The following TM9SF4 variants were observed in gnomAD, a reference collection of about 807,000 sequenced individuals.
TM9SF4 encodes the protein transmembrane 9 superfamily member 4, also known as dinucleotide oxidase disulfide thiol exchanger 3 superfamily member 4.
A neutral mutation model predicts 90.4 loss-of-function variants in TM9SF4; 26 were observed. The observed-to-expected ratio is 0.29, with a 90% CI of 0.21 to 0.40. The LOEUF is 0.40. Among genes scored for constraint, TM9SF4 ranks in the 10% least tolerant of loss-of-function variants. The pLI is 1.00. For synonymous variants in TM9SF4, 293 were observed against 315.4 expected, an observed-to-expected ratio of 0.93 and a Z score of 0.75; for missense variants, 549 against 834.8, an observed-to-expected ratio of 0.66 and a Z score of 4.22.
intron 1 of TM9SF4, among the ~76,000 whole-genome samples, chr20:32,113,868 T>A (rs1488968315): frequency 6.6e-6 from 1 of 152,230 alleles, no homozygotes; most frequent in Non-Finnish European, 1.5e-5. Flanking sequence ...TCTGTCCCTA[T>A]AGATTTGCCT....
chr20:32,153,372 C>T (rs1001753870), intron 12 of TM9SF4, among the ~76,000 whole-genome samples: 2 of 152,172 alleles, frequency 1.3e-5, no homozygotes, highest in African/African-American at 4.8e-5. Context: ...CATCAGGTTC[C>T]GGAGGGCCTT....
In TM9SF4 at chr20:32,159,909, T is replaced by A. The variant is rs111492969; in HGVS notation, c.1570-83T>A. The A allele has an allele frequency of 6.9e-6, 11 of 1,585,610 alleles. No homozygotes were observed. The African/African-American group carries it at 9.4e-5, about 13-fold the overall frequency. On this transcript the variant is annotated intron_variant, in intron 15 of 17. Transcript: ENST00000398022. The stretch of plus-strand genomic sequence containing the variant: ...GATGGTGTCATGATGATGTGTCCAC[T>A]CCTGCCCTTGTGACAGGTTGGTGTG...
chr20:32,143,835 G>A (rs1298474186), intron 6 of TM9SF4, among the ~76,000 whole-genome samples: 1 of 152,062 alleles, frequency 6.6e-6, no homozygotes, highest in African/African-American at 2.4e-5. Flanking sequence ...TCTCCCCTGG[G>A]AGCTTCCCGA....
chr20:32,133,928 T>C (rs1354511282), intron 2 of TM9SF4, among the ~76,000 whole-genome samples: 1 of 151,404 alleles, frequency 6.6e-6, no homozygotes, highest in East Asian at 1.9e-4. Context: ...TGCCTCAGCC[T>C]CCCAAGTAGC....
intron 1 of TM9SF4, among the ~76,000 whole-genome samples, chr20:32,115,240 T>C (rs915948320): frequency 6.6e-6 from 1 of 152,132 alleles, no homozygotes; most frequent in Non-Finnish European, 1.5e-5. Context: ...ACAGAGGAGG[T>C]TGGGATCACA....
At chr20:32,122,757 C>T (rs1222006421) in intron 1 of TM9SF4, among the ~76,000 whole-genome samples, 2 of 152,138 alleles carry the variant, frequency 1.3e-5, no homozygotes, top group Non-Finnish European at 2.9e-5. Flanking sequence ...CCTCACTTCC[C>T]AGACGGGGTG....
intron 6 of TM9SF4, among the ~76,000 whole-genome samples, chr20:32,143,821 C>T (rs1383667870): frequency 6.6e-6 from 1 of 152,060 alleles, no homozygotes; most frequent in Non-Finnish European, 1.5e-5. Context: ...AGCTCCATAG[C>T]ACATCTCCCC....
rs774710435 is a variant in TM9SF4 at position 32,150,614 on chromosome 20, C to T, written c.1088-8C>T. ...TTCTCTGCCCTTCCTCCCTCCCTCCCTCCACAGTTGTAGCCATGCTTGGGA... is the reference window on the plus strand; with the variant it reads ...TTCTCTGCCCTTCCTCCCTCCCTCCTTCCACAGTTGTAGCCATGCTTGGGA... On this transcript the variant is annotated splice_polypyrimidine_tract_variant and splice_region_variant and intron_variant, in intron 10 of 17. Transcript: ENST00000398022. The T allele has an allele frequency of 2.5e-6, 4 of 1,614,094 alleles. No homozygotes were observed. Among genetic ancestry groups the T allele is most frequent in the Non-Finnish European group, 3.4e-6 (4 of 1,180,048 alleles).
intron 2 of TM9SF4, among the ~76,000 whole-genome samples, chr20:32,134,008 C>A (rs192924345): frequency 6.0e-5 from 9 of 148,958 alleles, no homozygotes; most frequent in Non-Finnish European, 1.0e-4. Context: ...GAGATGAGGT[C>A]TCACTATGTT....
In TM9SF4 at chr20:32,160,008, A is replaced by AACT. The variant is rs751478575; in HGVS notation, c.1586_1587insACT (p.Gln529_Phe530insLeu). The AACT allele has an allele frequency of 6.2e-7, 1 of 1,614,236 alleles. No homozygotes were observed. Among genetic ancestry groups the AACT allele is most frequent in the Non-Finnish European group, 8.5e-7 (1 of 1,180,036 alleles). On this transcript the variant is annotated inframe_insertion, in exon 16 of 18. Coordinates refer to ENST00000398022, the MANE Select transcript of TM9SF4 (RefSeq NM_014742.4). ...TGTCCACAGGCTATCTGGGAGAATC[A>AACT]GTTCTATTACCTCTTTGGCTTCCTG...
chr20:32,114,580 G>A (rs1351219808), intron 1 of TM9SF4, among the ~76,000 whole-genome samples: 2 of 152,150 alleles, frequency 1.3e-5, no homozygotes, highest in Non-Finnish European at 2.9e-5. Context: ...CAATCCTCCC[G>A]TCTTGACCTC....
At chr20:32,122,995 C>T (rs1428193903) in intron 1 of TM9SF4, among the ~76,000 whole-genome samples, 5 of 151,348 alleles carry the variant, frequency 3.3e-5, no homozygotes, top group African/African-American at 1.2e-4. Flanking sequence ...AGCGAAACCC[C>T]GTCTCCACCA....
intron 12 of TM9SF4, among the ~76,000 whole-genome samples, chr20:32,154,115 C>T (rs898301870): frequency 6.6e-6 from 1 of 152,082 alleles, no homozygotes; most frequent in Non-Finnish European, 1.5e-5. Flanking sequence ...TGGGTTGGGG[C>T]CCAGACATAC....
chr20:32,115,714 T>C (rs892545427), intron 1 of TM9SF4, among the ~76,000 whole-genome samples: 2 of 152,122 alleles, frequency 1.3e-5, no homozygotes, highest in African/African-American at 4.8e-5. Context: ...TGATTGGTTA[T>C]GTGATTTTGG....
At chr20:32,146,294 G>A (rs2046761467) in intron 8 of TM9SF4, among the ~76,000 whole-genome samples, 1 of 152,172 alleles carries the variant, frequency 6.6e-6, no homozygotes, top group African/African-American at 2.4e-5. Flanking sequence ...GTACTGTTCA[G>A]GGTGCTGGGA....
chr20:32,136,038 T>A, intron 2 of TM9SF4, 36 bp from the exon 3 acceptor site: 1 of 1,588,186 alleles, frequency 6.3e-7, no homozygotes, highest in Non-Finnish European at 8.6e-7. Flanking sequence ...CAGGGAGGAT[T>A]ATTGGTCATC....
chr20:32,123,037 CGT>C (rs1321762466), intron 1 of TM9SF4, among the ~76,000 whole-genome samples: 5 of 150,558 alleles, frequency 3.3e-5, no homozygotes, highest in Non-Finnish European at 7.4e-5. Context: ...GGCGTGGCGG[CGT>C]GCGCCTGCAA....
intron 1 of TM9SF4, among the ~76,000 whole-genome samples, chr20:32,119,324 C>T (rs959753363): frequency 1.3e-5 from 2 of 151,592 alleles, no homozygotes; most frequent in African/African-American, 4.8e-5. Context: ...GGCTGGGCAC[C>T]GTGGCTCATG....
intron 3 of TM9SF4, among the ~76,000 whole-genome samples, chr20:32,140,984 G>A (rs2046665979): frequency 1.3e-5 from 2 of 152,076 alleles, no homozygotes; most frequent in Non-Finnish European, 2.9e-5. Context: ...TTGGGAGGCT[G>A]AGATGGGCAG....
Sources: gnomAD v4.1 joint callset for allele counts (sites outside exome capture counted in the v4.1 genomes callset) on GRCh38, gnomAD v4.1.1 for gene constraint, MANE v1.5 for transcripts, NCBI Gene and HGNC (gene_info 2026-07-23, HGNC 2026-07-21) for gene names.